The following COPS7A variants were observed in gnomAD, a reference collection of about 807,000 sequenced individuals.
The protein encoded by COPS7A is COP9 signalosome complex subunit 7a.
In COPS7A, 20 loss-of-function variants were observed where a neutral mutation model predicts 35.2. The observed-to-expected ratio is 0.57, with a 90% CI of 0.40 to 0.83. The LOEUF is 0.83. Among genes scored for constraint, COPS7A ranks in the 40% least tolerant of loss-of-function variants. COPS7A has a pLI of 0.00. For synonymous variants in COPS7A, 139 were observed against 141.4 expected, an observed-to-expected ratio of 0.98 and a Z score of 0.12; for missense variants, 247 against 347.5, an observed-to-expected ratio of 0.71 and a Z score of 2.30.
At chr12:6,730,222 G>A (rs871366) in intron 5 of COPS7A, among the ~76,000 whole-genome samples, 180 bp from the exon 6 acceptor site, 8,215 of 152,134 alleles carry the variant, frequency 0.054, 314 homozygotes, top group Non-Finnish European at 0.081. Context: ...TTGCCATATC[G>A]CTCAGGCTGG....
intron 2 of COPS7A, chr12:6,725,751 G>C (rs1007880908): frequency 3.9e-5 from 18 of 455,940 alleles, no homozygotes; most frequent in Non-Finnish European, 7.9e-5. Context: ...CTGACATGCT[G>C]ACAGTGGTAT....
chr12:6,730,077 A>G (rs778765237), intron 5 of COPS7A, among the ~76,000 whole-genome samples: 36 of 152,222 alleles, frequency 2.4e-4, no homozygotes, highest in Non-Finnish European at 4.3e-4. Context: ...GTGCAGTGGC[A>G]CCATCTTGAC....
In COPS7A at chr12:6,728,219, C is replaced by T. The variant is rs1941305688; in HGVS notation, c.239-4C>T. On this transcript the variant is annotated splice_region_variant and splice_polypyrimidine_tract_variant and intron_variant, in intron 3 of 7. Transcript: ENST00000543155. ...ATTCCTTACACTTTGTCGTTTTTCC[C>T]TAGCTGAAGCCCGGAATCTTCCTCC... 1 of 1,613,586 alleles carries T rather than the reference C, an allele frequency of 6.2e-7. No individual in the cohort carries two copies. Among genetic ancestry groups the T allele is most frequent in the East Asian group, 2.2e-5 (1 of 44,892 alleles).
In COPS7A at chr12:6,729,885, C is replaced by G. The variant is rs1941349453; in HGVS notation, c.530+436C>G. 6.6e-6 allele frequency among the ~76,000 whole-genome samples: 1 copy of G among 152,172 alleles called. No homozygotes were observed. The highest frequency in any genetic ancestry group is 2.1e-4 in the South Asian group (1 of 4,826). ...GGCATCTCCTACCCTATTTTGTTTT[C>G]AGTTCCTACTCCCATCTTGCTCATC... is the stretch of plus-strand genomic sequence containing the variant. On this transcript the variant is annotated intron_variant, in intron 5 of 7. Coordinates refer to ENST00000543155, the MANE Select transcript of COPS7A (RefSeq NM_001164094.2). The surrounding 1 kb of genome is among the most constrained non-coding windows in gnomAD (Gnocchi z 4.2).
rs970054639 is a variant in COPS7A, at chr12:6,731,439, A to G, written c.*400A>G. The G allele has an allele frequency of 4.2e-6, 3 of 710,072 alleles. No homozygotes were observed. The highest frequency in any genetic ancestry group is 5.9e-6 in the Non-Finnish European group (3 of 504,728). The allele number at this position is 710,072 out of a possible 1,614,324, so 44.0% of individuals were successfully genotyped here. On this transcript the variant is annotated 3_prime_UTR_variant, in exon 8 of 8. Coordinates refer to ENST00000543155, the MANE Select transcript of COPS7A (RefSeq NM_001164094.2). ...CCTGCATGCCTGATCCCCAGTTCCT[A>G]TACCCTACCCCTGACCTATTGAGCA...
At chr12:6,728,355 G>C (rs1157693180) in intron 4 of COPS7A, 44 bp downstream of exon 4, 13 of 1,558,436 alleles carry the variant, frequency 8.3e-6, no homozygotes, top group South Asian at 1.1e-5. Context: ...GCATCCTTTT[G>C]TATGTCCTTG....
chr12:6,731,017 A>G lies in COPS7A; in HGVS notation c.806A>G (p.Lys269Arg), dbSNP rs1322441569. ...CTTGCCAGGCTCCGAGGGAGCGCCA[A>G]GATTTGGTCCAAGTCGAATTGAAAG... ...SKGKGLRGSAKIWSKSN is the reference protein window; with the variant it reads ...SKGKGLRGSARIWSKSN The change falls in exon 8 of 8, where the codon AAG becomes AGG. Residue 269 changes from lysine to arginine, a missense_variant. By Grantham distance (26) the Lys-to-Arg change is conservative (BLOSUM62 2). Transcript: ENST00000543155. 6.2e-7 allele frequency: 1 copy of G among 1,613,748 alleles called. No individual in the cohort carries two copies. The highest frequency in any genetic ancestry group is 8.5e-7 in the Non-Finnish European group (1 of 1,179,890).
Position 6,727,028 on chromosome 12 carries a change from GGATT to G in COPS7A, c.163-889_163-886del, listed in dbSNP as rs1298194526. Reference sequence around the variant, plus strand: ...ATTCTTAGGTAGCAACCTTCTGCAAGGATTGATTGATTAAGTGCCAGAATGAAGC... The same window carrying G: ...ATTCTTAGGTAGCAACCTTCTGCAAGGATTGATTAAGTGCCAGAATGAAGC... On this transcript the variant is annotated intron_variant, in intron 2 of 7. Coordinates refer to ENST00000543155, the MANE Select transcript of COPS7A (RefSeq NM_001164094.2). Among the ~76,000 whole-genome samples, 3 of 152,338 alleles carry G rather than the reference GGATT, an allele frequency of 2.0e-5. No individual in the cohort carries two copies. In the East Asian group the frequency reaches 5.8e-4, roughly 29 times the overall value.
At chr12:6,724,972 A>C (rs879744594) in intron 2 of COPS7A, among the ~76,000 whole-genome samples, 154 bp downstream of exon 2, 6 of 152,164 alleles carry the variant, frequency 3.9e-5, no homozygotes, top group Non-Finnish European at 5.9e-5. Context: ...TAACCAGTGA[A>C]CAAGCAAACC....
chr12:6,724,982 C>A (rs1257930171), intron 2 of COPS7A, among the ~76,000 whole-genome samples, 164 bp downstream of exon 2: 1 of 152,082 alleles, frequency 6.6e-6, no homozygotes, highest in Non-Finnish European at 1.5e-5. Flanking sequence ...ACAAGCAAAC[C>A]AGCTCTCCTT....
rs1020154262 is a variant in COPS7A, at chr12:6,731,112, C to A, written c.*73C>A. 1.2e-6 allele frequency: 2 copies of A among 1,613,474 alleles called. No individual in the cohort carries two copies. Among genetic ancestry groups the A allele is most frequent in the Non-Finnish European group, 1.7e-6 (2 of 1,179,722 alleles). On this transcript the variant is annotated 3_prime_UTR_variant, in exon 8 of 8. Transcript: ENST00000543155. The stretch of plus-strand genomic sequence containing the variant: ...CTGCCTCTTAGGAGTCCTCAGAGAG[C>A]CTTCTGTGCCCCTGGCCAGCTGATA...
chr12:6,725,043 G>A (rs576641924), intron 2 of COPS7A, among the ~76,000 whole-genome samples: 7 of 152,118 alleles, frequency 4.6e-5, no homozygotes, highest in South Asian at 2.1e-4. Flanking sequence ...AAGCAAAAGA[G>A]CATCCTATTC....
chr12:6,724,135 G>T lies in COPS7A; in HGVS notation c.-88G>T. ...GAGCGGCGGCCCCGCCCGGTGCGCT[G>T]GAGGTCGAAGCTTCCAGGTAGCGGC... On this transcript the variant is annotated 5_prime_UTR_variant, in exon 1 of 8. Transcript: ENST00000543155. 1 of 246,512 alleles carries T rather than the reference G, an allele frequency of 4.1e-6. No homozygotes were observed. The highest frequency in any genetic ancestry group is 8.2e-6 in the Non-Finnish European group (1 of 121,526). The allele number at this position is 246,512 out of a possible 1,614,324, so 15.3% of individuals were successfully genotyped here. A position where few individuals can be genotyped will look rare whatever the true frequency, so the allele number is the denominator to read the frequency against.
intron 2 of COPS7A, chr12:6,725,696 A>T (rs760319870): frequency 9.2e-5 from 42 of 456,022 alleles, no homozygotes; most frequent in Non-Finnish European, 1.7e-4. Context: ...CCGTTCACAC[A>T]AAAGTGGCAG....
At chr12:6,730,555 G>T in intron 6 of COPS7A, 48 bp downstream of exon 6, 1 of 1,611,606 alleles carries the variant, frequency 6.2e-7, no homozygotes, top group South Asian at 1.1e-5. Flanking sequence ...CAGCCTGGGC[G>T]ACTTGTCCTT....
In COPS7A at chr12:6,731,353, C is replaced by T; in HGVS notation, c.*314C>T. The T allele has an allele frequency of 7.2e-7, 1 of 1,397,542 alleles. No individual in the cohort carries two copies. The highest frequency in any genetic ancestry group is 9.3e-7 in the Non-Finnish European group (1 of 1,077,826). The allele number at this position is 1,397,542 out of a possible 1,614,324, so 86.6% of individuals were successfully genotyped here. A position where few individuals can be genotyped will look rare whatever the true frequency, so the allele number is the denominator to read the frequency against. ...TACATGTCATTGAGTAGGTGGGTAG[C>T]CCTGATGGGGGTCGCTCTGTCTGGA... On this transcript the variant is annotated 3_prime_UTR_variant, in exon 8 of 8. Transcript: ENST00000543155.
At position 6,729,542 on chromosome 12, in the gene COPS7A, A is replaced by G. The variant is rs1941341107; in HGVS notation, c.530+93A>G. ...GAGGGCAGGAGCTGGGCTGGTCCGC[A>G]GAGGTGGAACCCAAGAGGATGAAGG... On this transcript the variant is annotated intron_variant, in intron 5 of 7. Transcript: ENST00000543155. The surrounding 1 kb of genome is among the most constrained non-coding windows in gnomAD (Gnocchi z 4.2). The G allele has an allele frequency of 7.6e-7, 1 of 1,324,408 alleles. No individual in the cohort carries two copies. The highest frequency in any genetic ancestry group is 1.3e-5 in the South Asian group (1 of 76,866). 82.0% of individuals were successfully genotyped at this position (1,324,408 alleles called of 1,614,324 possible).
At chr12:6,724,535 C>A in intron 1 of COPS7A, 79 bp from the exon 2 acceptor site, 1 of 1,200,404 alleles carries the variant, frequency 8.3e-7, no homozygotes, top group Non-Finnish European at 1.2e-6. Context: ...AGTGCCTTTA[C>A]AATCCAGTCC....
At chr12:6,727,420 C>G (rs766649204) in intron 2 of COPS7A, among the ~76,000 whole-genome samples, 2 of 150,586 alleles carry the variant, frequency 1.3e-5, no homozygotes, top group African/African-American at 4.9e-5. Flanking sequence ...CTGGGTGATG[C>G]AAGACAGTGT....
Sources: gnomAD v4.1 joint callset for allele counts (sites outside exome capture counted in the v4.1 genomes callset) on GRCh38, gnomAD v4.1.1 for gene constraint, Gnocchi (gnomAD v3.1) non-coding constraint, MANE v1.5 for transcripts, NCBI Gene and HGNC (gene_info 2026-07-23, HGNC 2026-07-21) for gene names.